NSMCE1: variants seen among roughly 807,000 people sequenced by gnomAD.
NSMCE1 encodes the protein NSE1 component of SMC5/6 complex, also known as non-structural maintenance of chromosomes element 1 homolog.
In NSMCE1, 18 loss-of-function variants were observed where a neutral mutation model predicts 29.6. That is an observed-to-expected ratio of 0.61 (90% CI 0.42 to 0.90). The LOEUF (loss-of-function observed/expected upper bound fraction) is 0.90. Among genes scored for constraint, NSMCE1 ranks in the 40% least tolerant of loss-of-function variants. The pLI, the probability that NSMCE1 is intolerant of heterozygous loss-of-function variation, is 0.00. For synonymous variants in NSMCE1, 124 were observed against 133.4 expected, an observed-to-expected ratio of 0.93 and a Z score of 0.49; for missense variants, 314 against 343.6, an observed-to-expected ratio of 0.91 and a Z score of 0.68.
chr16:27,244,565 A>C (rs1203981167), intron 2 of NSMCE1, among the ~76,000 whole-genome samples: 1 of 150,596 alleles, frequency 6.6e-6, no homozygotes, highest in African/African-American at 2.5e-5. Context: ...CAGCCCCTTC[A>C]CTCATGCTGC....
In NSMCE1 at chr16:27,232,434, T is replaced by C. The variant is rs1016165448; in HGVS notation, c.483+567A>G. Among the ~76,000 whole-genome samples the C allele has an allele frequency of 4.6e-5, 7 of 152,346 alleles. No homozygotes were observed. The highest frequency in any genetic ancestry group is 1.0e-4 in the Non-Finnish European group (7 of 68,036). On this transcript the variant is annotated intron_variant, in intron 5 of 7. Coordinates refer to ENST00000361439, the MANE Select transcript of NSMCE1 (RefSeq NM_145080.4). This position sits in a 1 kb window ranked among gnomAD's most constrained non-coding sequence, Gnocchi z 4.5. ...CAGCTCCTTTCCTGAAGCAGGTCTA[T>C]GCCTCTTCTAAGCACTGGCCCTGAG... is the stretch of plus-strand genomic sequence containing the variant.
At chr16:27,266,257 A>G (rs1192368099) in intron 1 of NSMCE1, 3 of 152,246 alleles carry the variant, frequency 2.0e-5, no homozygotes, top group Non-Finnish European at 4.4e-5. Flanking sequence ...TAACAGCCAA[A>G]ATAAATGTAA....
intron 2 of NSMCE1, among the ~76,000 whole-genome samples, chr16:27,239,915 C>T (rs1292816237): frequency 1.3e-5 from 2 of 152,098 alleles, no homozygotes; most frequent in Non-Finnish European, 2.9e-5. Flanking sequence ...AGGCTAAAAT[C>T]AAGGGGCCTG....
intron 2 of NSMCE1, among the ~76,000 whole-genome samples, chr16:27,249,121 C>T (rs377069907): frequency 6.6e-6 from 1 of 152,196 alleles, no homozygotes; most frequent in Admixed American, 6.5e-5. Flanking sequence ...TGAGCCACCA[C>T]GCCCAGCCGG....
Position 27,267,606 on chromosome 16 carries a change from T to C in NSMCE1, c.-12+1100A>G, listed in dbSNP as rs1229718317. Among the ~76,000 whole-genome samples, 14 of 150,236 alleles carry C rather than the reference T, an allele frequency of 9.3e-5. No individual in the cohort carries two copies. The East Asian group carries it at 2.7e-3, about 29-fold the overall frequency. ...AAATCTAAAAAGGTATGAATACTAGTGGATGATCGGATGCAGGGGAAAAAA... is the reference window on the plus strand; with the variant it reads ...AAATCTAAAAAGGTATGAATACTAGCGGATGATCGGATGCAGGGGAAAAAA... On this transcript the variant is annotated intron_variant, in intron 1 of 7. Transcript: ENST00000361439.
intron 6 of NSMCE1, chr16:27,226,069 C>T (rs1297000877): frequency 1.0e-5 from 5 of 495,706 alleles, no homozygotes; most frequent in African/African-American, 2.0e-5. Context: ...AACACATGAA[C>T]GCAGTGACAG....
intron 5 of NSMCE1, among the ~76,000 whole-genome samples, chr16:27,229,295 CT>C (rs1232143087): frequency 2.6e-5 from 4 of 152,224 alleles, no homozygotes; most frequent in African/African-American, 9.7e-5. Flanking sequence ...TCTGGGACAG[CT>C]GTCATAAAGC....
Position 27,225,740 on chromosome 16 carries a change from G to A in NSMCE1, c.707C>T (p.Pro236Leu), listed in dbSNP as rs372435541. Residue 236 changes from proline to leucine, a missense_variant, in exon 7 of 8, where the codon CCC (proline) becomes CTC (leucine). Physicochemically the swap from Pro to Leu is moderately conservative, Grantham distance 98. Transcript: ENST00000361439. The part of the protein sequence containing the change: ...PRCPHCNDYW[P>L]HEIPKVFDPE... ...GGCCCACGCACTTGGGATCTCGTGG[G>A]GCCAGTAGTCGTTGCAGTGGGGGCA... is the stretch of plus-strand genomic sequence containing the variant. 2 of 1,614,060 alleles carry A rather than the reference G, an allele frequency of 1.2e-6. No homozygotes were observed. The highest frequency in any genetic ancestry group is 2.7e-5 in the African/African-American group (2 of 74,934).
At chr16:27,234,298 T>G in intron 3 of NSMCE1, 33 bp from the exon 4 acceptor site, 1 of 1,480,310 alleles carries the variant, frequency 6.8e-7, no homozygotes, top group Non-Finnish European at 9.5e-7. Flanking sequence ...AGTCAGGCTG[T>G]GCTCTTTGCG....
chr16:27,268,598 G>C (rs2084254674), intron 1 of NSMCE1, 108 bp downstream of exon 1: 1 of 152,482 alleles, frequency 6.6e-6, no homozygotes, highest in Non-Finnish European at 1.5e-5. Context: ...CCGACCCCGG[G>C]GCCGGACCCC....
rs1294593841 is a variant in NSMCE1, at chr16:27,225,213, T to C, written c.745A>G (p.Arg249Gly). ...TTCGATTTCAAGACACCAGACTCCC[T>C]CTCCTTCTCAGGGTCGAAGACTTCT... ...IPKVFDPEKE[R>G]ESGVLKSNKK... Residue 249 changes from arginine to glycine, a missense_variant, in exon 8 of 8, where the codon AGG becomes GGG. By Grantham distance (125) the Arg-to-Gly change is moderately radical (BLOSUM62 -2). Transcript: ENST00000361439. The C allele has an allele frequency of 6.2e-7, 1 of 1,606,688 alleles. No homozygotes were observed. The highest frequency in any genetic ancestry group is 1.7e-5 in the Admixed American group (1 of 59,396).
At chr16:27,257,711 C>A in intron 1 of NSMCE1, 130 bp from the exon 2 acceptor site, 1 of 744,360 alleles carries the variant, frequency 1.3e-6, no homozygotes, top group Admixed American at 3.1e-5. Flanking sequence ...ATGCTGTTTA[C>A]TACAAAGGTG....
At chr16:27,234,596 T>A (rs1382426188) in intron 3 of NSMCE1, among the ~76,000 whole-genome samples, 2 of 152,384 alleles carry the variant, frequency 1.3e-5, no homozygotes, top group Non-Finnish European at 2.9e-5. Context: ...CAAGGAAATC[T>A]GCTTTGCCAT....
At position 27,232,959 on chromosome 16, in the gene NSMCE1, C is replaced by T. The variant is rs1210345957; in HGVS notation, c.483+42G>A. ...ATTTTGGAGAAAAAACTGTTATTCA[C>T]TTGAAAAAGTGAACCAGGCTGGAAA... On this transcript the variant is annotated intron_variant, in intron 5 of 7. Transcript: ENST00000361439. The surrounding 1 kb of genome is among the most constrained non-coding windows in gnomAD (Gnocchi z 4.5). 1 of 1,602,228 alleles carries T rather than the reference C, an allele frequency of 6.2e-7. No homozygotes were observed. The highest frequency in any genetic ancestry group is 2.2e-5 in the East Asian group (1 of 44,818).
Position 27,225,123 on chromosome 16 carries a change from T to C in NSMCE1, c.*34A>G, listed in dbSNP as rs1177321001. On this transcript the variant is annotated 3_prime_UTR_variant, in exon 8 of 8. Transcript: ENST00000361439. ...AGAAGGGCTGTGGCGATCAGGCCAC[T>C]CAAGGCAGCCAGCCCCTCAGCAGGG... 1.5e-6 allele frequency: 2 copies of C among 1,371,042 alleles called. No individual in the cohort carries two copies. The highest frequency in any genetic ancestry group is 2.1e-6 in the Non-Finnish European group (2 of 971,744). 84.9% of individuals were successfully genotyped at this position (1,371,042 alleles called of 1,614,324 possible).
chr16:27,236,292 C>CTTTTTTTTTTTTTTTTTTT (rs35108912), intron 2 of NSMCE1, among the ~76,000 whole-genome samples: 1 of 92,154 alleles, frequency 1.1e-5, no homozygotes, highest in Non-Finnish European at 2.0e-5. Context: ...TGCTGTGAAA[C>CTTTTTTTTTTTTTTTTTTT]TTTTTTTTTT....
chr16:27,262,342 G>C (rs550956192), intron 1 of NSMCE1, among the ~76,000 whole-genome samples: 2 of 151,766 alleles, frequency 1.3e-5, no homozygotes, highest in Non-Finnish European at 2.9e-5. Context: ...CACGTTACCC[G>C]ACTTCAAACT....
chr16:27,239,095 C>T (rs1328508910), intron 2 of NSMCE1, among the ~76,000 whole-genome samples: 4 of 152,174 alleles, frequency 2.6e-5, no homozygotes, highest in African/African-American at 9.7e-5. Context: ...TGGTCTCAAA[C>T]TCCTGACCTC....
At chr16:27,237,932 C>T (rs2083844080) in intron 2 of NSMCE1, among the ~76,000 whole-genome samples, 3 of 152,190 alleles carry the variant, frequency 2.0e-5, no homozygotes, top group Admixed American at 2.0e-4. Context: ...TGGGCGCTCC[C>T]GTTCTCTCCG....
Sources: gnomAD v4.1 joint callset for allele counts (sites outside exome capture counted in the v4.1 genomes callset) on GRCh38, gnomAD v4.1.1 for gene constraint, Gnocchi (gnomAD v3.1) non-coding constraint, MANE v1.5 for transcripts, NCBI Gene and HGNC (gene_info 2026-07-23, HGNC 2026-07-21) for gene names.